BRAF: variants seen among roughly 807,000 people sequenced by gnomAD.
The protein encoded by BRAF is B-Raf proto-oncogene, serine/threonine kinase.
In BRAF, 16 loss-of-function variants were observed where a neutral mutation model predicts 104.6. That is an observed-to-expected ratio of 0.15 (90% CI 0.10 to 0.23). The LOEUF (loss-of-function observed/expected upper bound fraction) is 0.23, where lower values mean the gene tolerates loss of function less well. BRAF is among the 10% of genes least tolerant of loss of function. BRAF has a pLI of 1.00. For synonymous variants in BRAF, 310 were observed against 341.6 expected, an observed-to-expected ratio of 0.91 and a Z score of 1.02; for missense variants, 541 against 937.3, an observed-to-expected ratio of 0.58 and a Z score of 5.52.
In BRAF at chr7:140,723,918, C is replaced by T; in HGVS notation, c.*2576G>A. ...GCATCAAAAAATAAAGCAGATAAAA[C>T]ACAAATAAAACCTATTTTCATGTCA... On this transcript the variant is annotated 3_prime_UTR_variant, in exon 20 of 20. Transcript: ENST00000644969. The T allele has an allele frequency of 9.6e-7, 1 of 1,043,682 alleles. No individual in the cohort carries two copies. Among genetic ancestry groups the T allele is most frequent in the Non-Finnish European group, 1.2e-6 (1 of 865,554 alleles). The allele number at this position is 1,043,682 out of a possible 1,614,324, so 64.7% of individuals were successfully genotyped here.
In BRAF at chr7:140,787,715, C is replaced by G. The variant is rs1801536540; in HGVS notation, c.1141-131G>C. 3.9e-6 allele frequency: 3 copies of G among 774,372 alleles called. No homozygotes were observed. The South Asian group carries it at 5.4e-5, about 14-fold the overall frequency. 48.0% of individuals were successfully genotyped at this position (774,372 alleles called of 1,614,324 possible). A position where few individuals can be genotyped will look rare whatever the true frequency, so the allele number is the denominator to read the frequency against. ...AAAACAATACATCTTATAACTATTA[C>G]ACAAAACAATTTGGAATTATCTAGT... On this transcript the variant is annotated intron_variant, in intron 8 of 19. Transcript: ENST00000644969.
intron 1 of BRAF, among the ~76,000 whole-genome samples, chr7:140,895,357 A>G (rs540955297): frequency 6.6e-6 from 1 of 152,356 alleles, no homozygotes; most frequent in South Asian, 2.1e-4. Context: ...GTATCTATAA[A>G]AAGTCTGTAA....
intron 18 of BRAF, 108 bp downstream of exon 17, chr7:140,739,704 C>G (rs916100507): frequency 1.5e-6 from 2 of 1,306,658 alleles, no homozygotes; most frequent in Non-Finnish European, 2.2e-6. Context: ...GGAGTCTGCA[C>G]ATAGAATCCA....
chr7:140,829,137 T>C (rs988978370), intron 3 of BRAF, among the ~76,000 whole-genome samples: 4 of 151,570 alleles, frequency 2.6e-5, no homozygotes, highest in Non-Finnish European at 4.4e-5. Flanking sequence ...TCTTGGTATC[T>C]GGGCACCAAT....
chr7:140,813,409 T>C (rs1360836714), intron 3 of BRAF, among the ~76,000 whole-genome samples: 1 of 152,186 alleles, frequency 6.6e-6, no homozygotes, highest in Non-Finnish European at 1.5e-5. Flanking sequence ...TATGAAGCTA[T>C]AAACAGACAT....
chr7:140,897,012 C>A (rs912595760), intron 1 of BRAF, among the ~76,000 whole-genome samples: 1 of 150,936 alleles, frequency 6.6e-6, no homozygotes, highest in African/African-American at 2.4e-5. Flanking sequence ...AATGCAATCA[C>A]AATGAAAATC....
chr7:140,734,097 G>A (rs1796188809), intron 19 of BRAF: 1 of 1,034,990 alleles, frequency 9.7e-7, no homozygotes, highest in Non-Finnish European at 1.2e-6. Context: ...AATAGTTATA[G>A]AAAAATTATT....
chr7:140,854,815 T>G (rs1021196647), intron 1 of BRAF, among the ~76,000 whole-genome samples: 73 of 151,918 alleles, frequency 4.8e-4, no homozygotes, highest in African/African-American at 1.6e-3. Context: ...CGTGGTGGCG[T>G]GTGCCTGTAA....
rs1469734695 is a variant in BRAF, at chr7:140,723,121, C to T, written c.*3373G>A. 23 of 1,050,946 alleles carry T rather than the reference C, an allele frequency of 2.2e-5. No homozygotes were observed. The Admixed American group carries it at 5.0e-4, about 23-fold the overall frequency. The allele number at this position is 1,050,946 out of a possible 1,614,324, so 65.1% of individuals were successfully genotyped here. ...TCACCTGAACCCTGCAATGTGGTTT[C>T]GAACTAAAGCTAGAGATGAGGTTTG... On this transcript the variant is annotated 3_prime_UTR_variant, in exon 20 of 20. Transcript: ENST00000644969.
chr7:140,879,772 C>T (rs1304532961), intron 1 of BRAF, among the ~76,000 whole-genome samples: 1 of 150,856 alleles, frequency 6.6e-6, no homozygotes, highest in Non-Finnish European at 1.5e-5. Context: ...GCTCTGTCGC[C>T]CAGGGTGGGA....
intron 1 of BRAF, among the ~76,000 whole-genome samples, chr7:140,883,010 T>C (rs1018582247): frequency 6.9e-6 from 1 of 144,908 alleles, no homozygotes; most frequent in Non-Finnish European, 1.5e-5. Context: ...TAAAATAAAA[T>C]AAAGTAAATA....
chr7:140,809,406 A>C (rs1586242525), intron 3 of BRAF, among the ~76,000 whole-genome samples: 1 of 152,332 alleles, frequency 6.6e-6, no homozygotes. Context: ...ACTGTCCTTA[A>C]GAGACCTCTT....
rs186376884 is a variant in BRAF, at chr7:140,782,881, A to T, written c.1434+140T>A. 115 of 1,089,722 alleles carry T rather than the reference A, an allele frequency of 1.1e-4. No individual in the cohort carries two copies. The African/African-American group carries it at 1.7e-3, about 16-fold the overall frequency. 67.5% of individuals were successfully genotyped at this position (1,089,722 alleles called of 1,614,324 possible). On this transcript the variant is annotated intron_variant, in intron 11 of 19. Transcript: ENST00000644969. ...CGTAGAAATATGCTTTAAGCAAAAA[A>T]CTATCAGTTCTTAAATTTATTTAAT...
intron 7 of BRAF, 26 bp downstream of exon 7, chr7:140,800,336 G>A (rs746920454): frequency 6.2e-6 from 10 of 1,613,576 alleles, no homozygotes; most frequent in Middle Eastern, 1.7e-4. Context: ...GTAGCATGTC[G>A]CCCAAGAGCA....
chr7:140,917,908 T>A (rs1236273544), intron 1 of BRAF, among the ~76,000 whole-genome samples: 1 of 152,188 alleles, frequency 6.6e-6, no homozygotes, highest in Non-Finnish European at 1.5e-5. Context: ...TCAAACTCAT[T>A]TGTTTAAATA....
chr7:140,872,727 G>A (rs1197875349), intron 1 of BRAF, among the ~76,000 whole-genome samples: 1 of 152,036 alleles, frequency 6.6e-6, no homozygotes, highest in Non-Finnish European at 1.5e-5. Flanking sequence ...GCCAGGTATG[G>A]TGGCATGTGT....
intron 1 of BRAF, among the ~76,000 whole-genome samples, chr7:140,900,112 T>C (rs1160543392): frequency 6.6e-6 from 1 of 152,218 alleles, no homozygotes; most frequent in African/African-American, 2.4e-5. Flanking sequence ...CCCACAGAAC[T>C]GTGAGAGAAA....
At chr7:140,895,660 A>C (rs1814797785) in intron 1 of BRAF, among the ~76,000 whole-genome samples, 1 of 152,150 alleles carries the variant, frequency 6.6e-6, no homozygotes, top group Non-Finnish European at 1.5e-5. Context: ...GCTTCCACAT[A>C]AGAGTGAGAA....
At chr7:140,794,768 T>C (rs1300425782) in intron 7 of BRAF, among the ~76,000 whole-genome samples, 1 of 152,196 alleles carries the variant, frequency 6.6e-6, no homozygotes, top group Non-Finnish European at 1.5e-5. Flanking sequence ...CTGAAGAAGT[T>C]CAACCTTTGA....
Sources: allele counts gnomAD v4.1 joint callset (sites outside exome capture counted in the v4.1 genomes callset), GRCh38; gene constraint gnomAD v4.1.1; transcripts MANE v1.5; gene names NCBI Gene and HGNC (gene_info 2026-07-23, HGNC 2026-07-21).